Variants in SPAG17 observed in about 807,000 individuals in gnomAD.
SPAG17 encodes the protein sperm associated antigen 17, also known as sperm-associated antigen 17.
SPAG17 carries 169 observed loss-of-function variants against 273.6 expected under a neutral mutation model. That is an observed-to-expected ratio of 0.62 (90% confidence interval 0.55 to 0.70). The LOEUF (loss-of-function observed/expected upper bound fraction) is 0.70, where lower values mean the gene tolerates loss of function less well. Among genes scored for constraint, SPAG17 ranks in the 30% least tolerant of loss-of-function variants. SPAG17 has a pLI of 0.00. For missense variants in SPAG17, 2,557 were observed against 2,627.8 expected (o/e 0.97, Z 0.59); for synonymous variants, 825 against 873.2 (o/e 0.94, Z 0.97).
intron 25 of SPAG17, among the ~76,000 whole-genome samples, chr1:118,031,177 CTTTTTT>C (rs1015324627): frequency 7.3e-5 from 4 of 54,918 alleles, no homozygotes; most frequent in Non-Finnish European, 1.0e-4. Context: ...GAGGACTACT[CTTTTTT>C]TTTTTTTTTT....
Position 118,185,090 on chromosome 1 carries a change from A to G in SPAG17, c.68T>C (p.Ile23Thr), listed in dbSNP as rs1328361536. The G allele has an allele frequency of 1.9e-6, 3 of 1,614,024 alleles. No homozygotes were observed. The highest frequency in any genetic ancestry group is 1.7e-6 in the Non-Finnish European group (2 of 1,179,980). The change falls in exon 1 of 49, where the codon ATA (isoleucine) becomes ACA (threonine). Residue 23 changes from isoleucine to threonine, a missense_variant. Physicochemically the swap from Ile to Thr is moderately conservative, Grantham distance 89. Coordinates refer to ENST00000336338, the MANE Select transcript of SPAG17 (RefSeq NM_206996.4). Reference protein sequence around the residue: ...TSSKIWEPSLIAAQFNQNDWQ... With the variant: ...TSSKIWEPSLTAAQFNQNDWQ... ...GCTCACCTGATTGAACTGTGCAGCT[A>G]TGAGCGAGGGTTCCCATATCTTAGA...
chr1:117,990,833 C>T (rs779650903), intron 38 of SPAG17, 28 bp downstream of exon 38: 2 of 1,478,094 alleles, frequency 1.4e-6, no homozygotes, highest in East Asian at 4.7e-5. Context: ...TGTAAATATA[C>T]TGCAGAAGAA....
intron 3 of SPAG17, among the ~76,000 whole-genome samples, chr1:118,149,528 C>CA (rs1406171356): frequency 7.9e-5 from 12 of 152,142 alleles, no homozygotes; most frequent in African/African-American, 2.9e-4. Context: ...AAAAAAGAGA[C>CA]AAAGTATATT....
intron 25 of SPAG17, 116 bp from the exon 26 acceptor site, chr1:118,028,510 T>A (rs1648048295): frequency 7.6e-7 from 1 of 1,314,796 alleles, no homozygotes; most frequent in South Asian, 1.6e-5. Context: ...CAGAGCTAGG[T>A]GGCCCCTGCA....
chr1:117,982,810 C>CA (rs1215863361), intron 42 of SPAG17, among the ~76,000 whole-genome samples: 1 of 152,148 alleles, frequency 6.6e-6, no homozygotes, highest in Non-Finnish European at 1.5e-5. Flanking sequence ...GTTTCACATT[C>CA]AGTTTTTATA....
chr1:118,125,643 G>A (rs539970244), intron 3 of SPAG17, among the ~76,000 whole-genome samples: 60 of 152,244 alleles, frequency 3.9e-4, no homozygotes, highest in African/African-American at 1.4e-3. Flanking sequence ...GTCTGTGTCT[G>A]ACTTATTTCA....
intron 1 of SPAG17, among the ~76,000 whole-genome samples, chr1:118,161,912 G>A (rs895929938): frequency 6.6e-6 from 1 of 152,202 alleles, no homozygotes; most frequent in Non-Finnish European, 1.5e-5. Flanking sequence ...AAAGCCAGGG[G>A]AGGAATGGTG....
At chr1:118,083,924 T>C (rs1236237443) in intron 13 of SPAG17, among the ~76,000 whole-genome samples, 1 of 152,144 alleles carries the variant, frequency 6.6e-6, no homozygotes, top group Non-Finnish European at 1.5e-5. Flanking sequence ...TTTGGACTTG[T>C]TAAGCATGAT....
At chr1:118,128,126 GAA>G (rs531982552) in intron 3 of SPAG17, among the ~76,000 whole-genome samples, 1 of 130,162 alleles carries the variant, frequency 7.7e-6, no homozygotes, top group African/African-American at 2.8e-5. Flanking sequence ...ATTTCAAAAA[GAA>G]AAAAAAAAAA....
chr1:118,110,575 C>T (rs28711542), intron 4 of SPAG17, among the ~76,000 whole-genome samples: 3 of 152,064 alleles, frequency 2.0e-5, no homozygotes, highest in Non-Finnish European at 2.9e-5. Context: ...GCCATTTCTG[C>T]GTGGGGGGCA....
chr1:118,069,084 G>A (rs181603899), intron 17 of SPAG17, among the ~76,000 whole-genome samples: 10 of 152,206 alleles, frequency 6.6e-5, no homozygotes, highest in East Asian at 5.8e-4. Context: ...GGTGGCTCAC[G>A]CCTGTAATCC....
At chr1:118,150,729 G>A in intron 2 of SPAG17, 100 bp from the exon 3 acceptor site, 1 of 640,740 alleles carries the variant, frequency 1.6e-6, no homozygotes, top group Non-Finnish European at 2.6e-6. Flanking sequence ...GAAGGGTTGG[G>A]GAACCTAGCA....
At chr1:118,025,165 A>G (rs1454772978) in intron 27 of SPAG17, 73 bp downstream of exon 27, 3 of 1,385,090 alleles carry the variant, frequency 2.2e-6, no homozygotes, top group South Asian at 1.3e-5. Context: ...CCTGTTATAG[A>G]ACAGTTCCTT....
At chr1:118,083,982 G>C (rs983522766) in intron 13 of SPAG17, among the ~76,000 whole-genome samples, 1 of 152,124 alleles carries the variant, frequency 6.6e-6, no homozygotes, top group Non-Finnish European at 1.5e-5. Flanking sequence ...AAGGGTCCAG[G>C]ATGGGGCATG....
intron 18 of SPAG17, among the ~76,000 whole-genome samples, chr1:118,058,996 C>T (rs1251944151): frequency 2.6e-5 from 4 of 152,084 alleles, no homozygotes; most frequent in South Asian, 4.1e-4. Flanking sequence ...AAGATATGAA[C>T]ACATCCTTCT....
In SPAG17 at chr1:118,028,343, T is replaced by C. The variant is rs772955684; in HGVS notation, c.3661A>G (p.Thr1221Ala). The C allele has an allele frequency of 2.5e-6, 4 of 1,613,722 alleles. No individual in the cohort carries two copies. Among genetic ancestry groups the C allele is most frequent in the Non-Finnish European group, 3.4e-6 (4 of 1,179,782 alleles). Residue 1221 changes from threonine to alanine, a missense_variant, in exon 26 of 49, where the codon ACC (threonine) becomes GCC (alanine). Physicochemically the swap from Thr to Ala is moderately conservative, Grantham distance 58. Coordinates refer to ENST00000336338, the MANE Select transcript of SPAG17 (RefSeq NM_206996.4). ...PVLQETLDVP[T>A]FQSLNVSCPS... ...CAAGACACATTTAGGCTCTGGAAGG[T>C]GGGAACATCCAAAGTCTCTTGTAAA...
At chr1:117,980,093 G>A (rs1655611715) in intron 43 of SPAG17, among the ~76,000 whole-genome samples, 2 of 152,126 alleles carry the variant, frequency 1.3e-5, no homozygotes. Flanking sequence ...CATTACTATT[G>A]TATATCCATG....
intron 20 of SPAG17, among the ~76,000 whole-genome samples, chr1:118,047,786 G>A (rs537778461): frequency 6.6e-6 from 1 of 151,778 alleles, no homozygotes; most frequent in African/African-American, 2.4e-5. Flanking sequence ...AGGAACCCCC[G>A]GCACCTGTCA....
chr1:118,050,668 G>C (rs928642054), intron 20 of SPAG17, among the ~76,000 whole-genome samples: 1 of 152,166 alleles, frequency 6.6e-6, no homozygotes, highest in African/African-American at 2.4e-5. Flanking sequence ...TCAATAAATG[G>C]TGCTGGGAAA....
Sources: allele counts gnomAD v4.1 joint callset (sites outside exome capture counted in the v4.1 genomes callset), GRCh38; gene constraint gnomAD v4.1.1; transcripts MANE v1.5; gene names NCBI Gene and HGNC (gene_info 2026-07-23, HGNC 2026-07-21).